The following VPS41 variants were observed in gnomAD, a reference collection of about 807,000 sequenced individuals.
VPS41 encodes VPS41 subunit of HOPS complex, also known as vacuolar protein sorting-associated protein 41 homolog.
VPS41 carries 85 observed loss-of-function variants against 130.9 expected under a neutral mutation model. The ratio of observed to expected loss-of-function variants is 0.65; its 90% CI spans 0.55 to 0.78. The LOEUF (loss-of-function observed/expected upper bound fraction) is 0.78, where lower values mean the gene tolerates loss of function less well. VPS41 is among the 30% of genes least tolerant of loss of function. The pLI is 0.00. For synonymous variants in VPS41, 335 were observed against 332.9 expected (o/e 1.01, Z -0.07); for missense variants, 874 against 1,018.7 (o/e 0.86, Z 1.93).
chr7:38,728,923 G>T, intron 25 of VPS41, 132 bp from the exon 26 acceptor site: 1 of 778,010 alleles, frequency 1.3e-6, no homozygotes, highest in Non-Finnish European at 2.1e-6. Context: ...TGATTCTCTT[G>T]CCCTCAGTAC....
intron 7 of VPS41, among the ~76,000 whole-genome samples, chr7:38,811,307 A>C (rs547250226): frequency 1.3e-5 from 2 of 152,178 alleles, no homozygotes; most frequent in East Asian, 3.9e-4. Flanking sequence ...TGCAAACCAC[A>C]CCAAGCTGAT....
At position 38,796,837 on chromosome 7, in the gene VPS41, T is replaced by C; in HGVS notation, c.478A>G (p.Asn160Asp). 6.2e-7 allele frequency: 1 copy of C among 1,613,978 alleles called. No individual in the cohort carries two copies. Among genetic ancestry groups the C allele is most frequent in the South Asian group, 1.1e-5 (1 of 91,078 alleles). ...TGCAGAACAGCAGACTTCCATCTGT[T>C]CATCCAAGACCGTTCAAACAGTAGC... is the stretch of plus-strand genomic sequence containing the variant. ...KLLLFERSWM[N>D]RWKSAVLHEG... Residue 160 changes from asparagine to aspartate, a missense_variant, in exon 8 of 29, where the codon AAC becomes GAC. Coordinates refer to ENST00000310301, the MANE Select transcript of VPS41 (RefSeq NM_014396.4).
At position 38,780,874 on chromosome 7, in the gene VPS41, C is replaced by G. The variant is rs142755554; in HGVS notation, c.785-4098G>C. ...CACAATCCTCTTGGTACTGTCCTCA[C>G]GACAGTGAGTTCTCACAAGATCTGG... On this transcript the variant is annotated intron_variant, in intron 10 of 28. Coordinates refer to ENST00000310301, the MANE Select transcript of VPS41 (RefSeq NM_014396.4). Among the ~76,000 whole-genome samples, 10 of 152,144 alleles carry G rather than the reference C, an allele frequency of 6.6e-5. No individual in the cohort carries two copies. In the South Asian group the frequency reaches 2.1e-3, roughly 32 times the overall value.
At chr7:38,895,802 T>C (rs1477009401) in intron 2 of VPS41, among the ~76,000 whole-genome samples, 1 of 152,174 alleles carries the variant, frequency 6.6e-6, no homozygotes, top group Non-Finnish European at 1.5e-5. Context: ...CCCTATACAC[T>C]TTCAAGCTCC....
intron 7 of VPS41, among the ~76,000 whole-genome samples, chr7:38,814,690 C>A (rs559212422): frequency 6.6e-6 from 1 of 152,040 alleles, no homozygotes; most frequent in Non-Finnish European, 1.5e-5. Context: ...TAAACCAACA[C>A]AGCAAAATCT....
chr7:38,770,367 C>T (rs5005159), intron 14 of VPS41, among the ~76,000 whole-genome samples: 7,323 of 151,508 alleles, frequency 0.048, 619 homozygotes, highest in African/African-American at 0.17. Flanking sequence ...CTCTAAGGGC[C>T]GGAATGCATT....
At chr7:38,796,998 CA>C in intron 7 of VPS41, 134 bp from the exon 8 acceptor site, 1 of 958,694 alleles carries the variant, frequency 1.0e-6, no homozygotes, top group Non-Finnish European at 1.6e-6. Flanking sequence ...TGTAGACTTA[CA>C]GTAGTATGTT....
intron 14 of VPS41, among the ~76,000 whole-genome samples, chr7:38,769,743 T>C (rs1483084456): frequency 6.6e-6 from 1 of 152,186 alleles, no homozygotes; most frequent in Non-Finnish European, 1.5e-5. Context: ...TCTTCACCTC[T>C]CCAATCCTAT....
intron 7 of VPS41, among the ~76,000 whole-genome samples, chr7:38,802,707 T>C (rs990340836): frequency 6.6e-6 from 1 of 152,228 alleles, no homozygotes; most frequent in African/African-American, 2.4e-5. Flanking sequence ...ACTACCTGCC[T>C]GTACTTCACT....
At chr7:38,731,578 C>A (rs1795663093) in intron 25 of VPS41, among the ~76,000 whole-genome samples, 1 of 152,104 alleles carries the variant, frequency 6.6e-6, no homozygotes, top group Non-Finnish European at 1.5e-5. Context: ...TCTTACCCAG[C>A]CTATCTTCGC....
intron 11 of VPS41, among the ~76,000 whole-genome samples, 186 bp downstream of exon 11, chr7:38,776,493 G>A (rs968750068): frequency 7.9e-5 from 12 of 152,136 alleles, no homozygotes; most frequent in Non-Finnish European, 1.0e-4. Flanking sequence ...AACAAAGGCA[G>A]GCAATGAGTA....
intron 4 of VPS41, among the ~76,000 whole-genome samples, chr7:38,848,831 A>G (rs114311089): frequency 0.015 from 2,353 of 152,224 alleles, 17 homozygotes; most frequent in African/African-American, 0.022. Flanking sequence ...TTTCTTCTCT[A>G]ATCATTATAT....
intron 16 of VPS41, among the ~76,000 whole-genome samples, chr7:38,765,322 T>A (rs1315045806): frequency 6.6e-6 from 1 of 152,078 alleles, no homozygotes; most frequent in Admixed American, 6.5e-5. Context: ...AAAAAGAGCA[T>A]GAAAACTTCA....
At chr7:38,765,854 T>G (rs2115804833) in intron 15 of VPS41, 193 bp from the exon 16 acceptor site, 1 of 464,158 alleles carries the variant, frequency 2.2e-6, no homozygotes, top group East Asian at 3.6e-5. Context: ...CATACATAAA[T>G]TAACACAACT....
intron 7 of VPS41, among the ~76,000 whole-genome samples, chr7:38,802,493 C>G (rs1337791966): frequency 1.3e-5 from 2 of 152,020 alleles, no homozygotes; most frequent in African/African-American, 4.8e-5. Flanking sequence ...GCAGGATTTG[C>G]TTTGATTTGA....
intron 22 of VPS41, among the ~76,000 whole-genome samples, chr7:38,746,818 T>G (rs1441540969): frequency 6.6e-6 from 1 of 152,172 alleles, no homozygotes; most frequent in Non-Finnish European, 1.5e-5. Flanking sequence ...ACCTCTCCAT[T>G]GCGTCCCCTT....
At chr7:38,831,303 T>C in intron 4 of VPS41, 1 of 466,160 alleles carries the variant, frequency 2.1e-6, no homozygotes. Flanking sequence ...TCCTGTCCAA[T>C]ATGGTACTGT....
chr7:38,849,630 G>A (rs775415862), intron 4 of VPS41, among the ~76,000 whole-genome samples: 6 of 152,138 alleles, frequency 3.9e-5, no homozygotes, highest in Non-Finnish European at 5.9e-5. Flanking sequence ...GTCTGCCGGT[G>A]CCTGCTGGCA....
intron 2 of VPS41, among the ~76,000 whole-genome samples, chr7:38,889,067 G>C (rs1197254801): frequency 6.6e-6 from 1 of 150,640 alleles, no homozygotes; most frequent in East Asian, 2.0e-4. Context: ...TAACAAAATT[G>C]CATGTTCTGC....
Sources: allele counts gnomAD v4.1 joint callset (sites outside exome capture counted in the v4.1 genomes callset), GRCh38; gene constraint gnomAD v4.1.1; transcripts MANE v1.5; gene names NCBI Gene and HGNC (gene_info 2026-07-23, HGNC 2026-07-21).